The following SLC45A2 variants were observed in gnomAD, a reference collection of about 807,000 sequenced individuals.
SLC45A2 encodes solute carrier family 45 member 2.
Under a neutral mutation model 45.5 loss-of-function variants are expected in SLC45A2, and 36 were observed. The ratio of observed to expected loss-of-function variants is 0.79; its 90% CI spans 0.61 to 1.04. SLC45A2 has a LOEUF of 1.04. Ranked by LOEUF, SLC45A2 falls within the 50% of genes least tolerant of loss-of-function variation. The probability of loss-of-function intolerance (pLI) is 0.00; values close to 1 mark genes in which losing one functional copy is unlikely to be tolerated. For missense variants in SLC45A2, 719 were observed against 671.0 expected, an observed-to-expected ratio of 1.07 and a Z score of -0.79; for synonymous variants, 306 against 269.3, an observed-to-expected ratio of 1.14 and a Z score of -1.33.
At chr5:33,961,079 G>T (rs961082060) in intron 3 of SLC45A2, among the ~76,000 whole-genome samples, 3 of 152,144 alleles carry the variant, frequency 2.0e-5, no homozygotes, top group Non-Finnish European at 2.9e-5. Context: ...TCAGCACTGG[G>T]TCTGGCAGGT....
intron 2 of SLC45A2, among the ~76,000 whole-genome samples, chr5:33,978,766 C>T (rs536908315): frequency 6.6e-6 from 1 of 152,266 alleles, no homozygotes; most frequent in Admixed American, 6.5e-5. Context: ...TAAAACCAAG[C>T]TATAACTCAA....
At chr5:33,960,110 A>G (rs6414861) in intron 3 of SLC45A2, among the ~76,000 whole-genome samples, 141,091 of 152,184 alleles carry the variant, frequency 0.93, 66,022 homozygotes, top group Non-Finnish European at 0.99. Context: ...ACCCAGGAAT[A>G]GGATTGCTGG....
chr5:33,949,902 G>A (rs923580898), intron 5 of SLC45A2, among the ~76,000 whole-genome samples: 1 of 152,052 alleles, frequency 6.6e-6, no homozygotes, highest in African/African-American at 2.4e-5. Context: ...AAAGATGAAG[G>A]TAGGGCTGGA....
intron 4 of SLC45A2, among the ~76,000 whole-genome samples, chr5:33,952,034 G>A (rs1752119095): frequency 6.6e-6 from 1 of 152,074 alleles, no homozygotes; most frequent in African/African-American, 2.4e-5. Context: ...TTCCTGCTTG[G>A]AATGTTTTCT....
At chr5:33,982,456 A>G in intron 1 of SLC45A2, 44 bp from the exon 2 acceptor site, 1 of 1,587,212 alleles carries the variant, frequency 6.3e-7, no homozygotes, top group Non-Finnish European at 8.6e-7. Context: ...CTGTTTTAGA[A>G]TCATCCGCGT....
At chr5:33,974,925 AC>A (rs1237595608) in intron 2 of SLC45A2, among the ~76,000 whole-genome samples, 3 of 152,242 alleles carry the variant, frequency 2.0e-5, no homozygotes, top group African/African-American at 4.8e-5. Flanking sequence ...TACACACAAA[AC>A]AAAGCATATT....
At chr5:33,972,243 T>C in intron 2 of SLC45A2, 1 of 519,160 alleles carries the variant, frequency 1.9e-6, no homozygotes, top group African/African-American at 1.9e-5. Flanking sequence ...AGAACTTTAA[T>C]GGAGTTACTG....
chr5:33,971,115 G>T, intron 2 of SLC45A2: 3 of 527,600 alleles, frequency 5.7e-6, no homozygotes, highest in South Asian at 4.2e-5. Context: ...AGTTGTCGTC[G>T]ACAGCTTCAC....
At chr5:33,954,674 T>C (rs544125297) in intron 3 of SLC45A2, among the ~76,000 whole-genome samples, 170 bp from the exon 4 acceptor site, 5 of 152,300 alleles carry the variant, frequency 3.3e-5, no homozygotes, top group African/African-American at 1.2e-4. Flanking sequence ...CAGGAGGTAT[T>C]CTGTTAAGCA....
intron 2 of SLC45A2, among the ~76,000 whole-genome samples, chr5:33,969,065 C>CTCTCTCTCTCTCTCTCTGTG: frequency 0.03 from 3,067 of 102,268 alleles, 197 homozygotes; most frequent in African/African-American, 0.098. Context: ...CTCTCTCTCT[C>CTCTCTCTCTCTCTCTCTGTG]TGTGTGTGTG....
At chr5:33,953,854 G>T (rs1042661400) in intron 4 of SLC45A2, among the ~76,000 whole-genome samples, 3 of 105,152 alleles carry the variant, frequency 2.9e-5, no homozygotes, top group Non-Finnish European at 5.8e-5. Flanking sequence ...AAAATAAAAG[G>T]ATGGAGGAAG....
chr5:33,952,301 C>T (rs1205513819), intron 4 of SLC45A2, among the ~76,000 whole-genome samples: 4 of 151,940 alleles, frequency 2.6e-5, no homozygotes, highest in Admixed American at 2.0e-4. Flanking sequence ...TGAACCCCAC[C>T]CCTCCTTTTT....
At chr5:33,949,705 T>C (rs1333759302) in intron 5 of SLC45A2, among the ~76,000 whole-genome samples, 1 of 152,182 alleles carries the variant, frequency 6.6e-6, no homozygotes, top group Non-Finnish European at 1.5e-5. Flanking sequence ...TTAATAAAAC[T>C]TTGGAAAACT....
intron 2 of SLC45A2, among the ~76,000 whole-genome samples, chr5:33,969,065 C>CTGTGTGTGTGTG (rs66961145): frequency 0.03 from 3,049 of 102,438 alleles, 152 homozygotes; most frequent in East Asian, 0.19. Flanking sequence ...CTCTCTCTCT[C>CTGTGTGTGTGTG]TGTGTGTGTG....
rs369559083 is a variant in SLC45A2, at chr5:33,956,343, T to G, written c.889-1839A>C. Among the ~76,000 whole-genome samples, 781 of 152,250 alleles carry G rather than the reference T, an allele frequency of 5.1e-3. 10 individuals are homozygous for G. The highest frequency in any genetic ancestry group is 0.018 in the African/African-American group (751 of 41,536). ...TTGTAACAGGAGATGAAACATGGCC[T>G]TACCAGTATGATCCTGAAAACAAAG... On this transcript the variant is annotated intron_variant, in intron 3 of 6. Transcript: ENST00000296589.
intron 2 of SLC45A2, among the ~76,000 whole-genome samples, chr5:33,980,147 T>C (rs1019167303): frequency 7.5e-6 from 1 of 134,070 alleles, no homozygotes; most frequent in Middle Eastern, 3.6e-3. Context: ...GAAAATGAAG[T>C]TGGAATCTAT....
intron 2 of SLC45A2, among the ~76,000 whole-genome samples, chr5:33,967,783 GAC>G (rs10529094): frequency 0.028 from 4,153 of 146,868 alleles, 144 homozygotes; most frequent in South Asian, 0.095. Flanking sequence ...TATTTTGCTA[GAC>G]ACACACACAC....
chr5:33,966,547 T>C (rs1211763187), intron 2 of SLC45A2, among the ~76,000 whole-genome samples: 1 of 150,674 alleles, frequency 6.6e-6, no homozygotes, highest in Non-Finnish European at 1.5e-5. Flanking sequence ...TTCACGCCAT[T>C]CTCCTGCCTC....
intron 6 of SLC45A2, 76 bp from the exon 7 acceptor site, chr5:33,944,948 T>G (rs1215168563): frequency 2.2e-6 from 3 of 1,389,588 alleles, no homozygotes; most frequent in Admixed American, 3.9e-5. Flanking sequence ...AAAATTTTTC[T>G]GTGACCAGCC....
Sources: gnomAD v4.1 joint callset for allele counts (sites outside exome capture counted in the v4.1 genomes callset) on GRCh38, gnomAD v4.1.1 for gene constraint, MANE v1.5 for transcripts, NCBI Gene and HGNC (gene_info 2026-07-23, HGNC 2026-07-21) for gene names.